Variants in PPP1R21 observed in about 807,000 individuals in gnomAD.
The protein encoded by PPP1R21 is protein phosphatase 1 regulatory subunit 21.
PPP1R21 carries 85 observed loss-of-function variants against 112.8 expected under a neutral mutation model. That is an observed-to-expected ratio of 0.75 (90% CI 0.63 to 0.90). The LOEUF (loss-of-function observed/expected upper bound fraction) is 0.90, where lower values mean the gene tolerates loss of function less well. Among genes scored for constraint, PPP1R21 ranks in the 40% least tolerant of loss-of-function variants. The probability of loss-of-function intolerance (pLI) is 0.00; values close to 1 mark genes in which losing one functional copy is unlikely to be tolerated. For missense variants in PPP1R21, 1,199 were observed against 901.5 expected (o/e 1.33, Z -4.23); for synonymous variants, 381 against 322.3 (o/e 1.18, Z -1.95).
In PPP1R21 at chr2:48,496,665, G is replaced by A. The variant is rs548529533; in HGVS notation, c.1692+894G>A. ...GTATTTTTAGTATAGACAGGGTTTC[G>A]CCACATTGGCCAGGCTGGTCTTGAA... On this transcript the variant is annotated intron_variant, in intron 16 of 21. Coordinates refer to ENST00000294952, the MANE Select transcript of PPP1R21 (RefSeq NM_001135629.3). Among the ~76,000 whole-genome samples the A allele has an allele frequency of 5.9e-5, 9 of 152,218 alleles. No homozygotes were observed. The South Asian group carries it at 1.5e-3, about 25-fold the overall frequency.
intron 14 of PPP1R21, among the ~76,000 whole-genome samples, chr2:48,487,725 C>T (rs771962679): frequency 6.7e-6 from 1 of 149,326 alleles, no homozygotes; most frequent in Non-Finnish European, 1.5e-5. Context: ...TGAGCCACTG[C>T]ACCCTATCCT....
Position 48,482,939 on chromosome 2 carries a change from C to T in PPP1R21, c.1318+2923C>T, listed in dbSNP as rs369801847. Among the ~76,000 whole-genome samples, 4 of 152,178 alleles carry T rather than the reference C, an allele frequency of 2.6e-5. No homozygotes were observed. In the South Asian group the frequency reaches 6.2e-4, roughly 24 times the overall value. On this transcript the variant is annotated intron_variant, in intron 13 of 21. Transcript: ENST00000294952. ...TTCCTGATGCTATCCCTCCTCCCATCCCCCACCCTCCATCAGGCTCCAGTG... is the reference window on the plus strand; with the variant it reads ...TTCCTGATGCTATCCCTCCTCCCATTCCCCACCCTCCATCAGGCTCCAGTG...
intron 12 of PPP1R21, among the ~76,000 whole-genome samples, chr2:48,476,989 T>G (rs1261167287): frequency 6.6e-6 from 1 of 152,150 alleles, no homozygotes; most frequent in Non-Finnish European, 1.5e-5. Flanking sequence ...TTGCTGATGC[T>G]TTTGATGTCA....
chr2:48,461,417 A>G (rs995385557), intron 7 of PPP1R21, among the ~76,000 whole-genome samples, 185 bp downstream of exon 7: 2 of 152,212 alleles, frequency 1.3e-5, no homozygotes, highest in Admixed American at 6.5e-5. Flanking sequence ...AAATTGTCAT[A>G]TAACTACTCC....
chr2:48,481,753 A>G (rs61677854), intron 13 of PPP1R21, among the ~76,000 whole-genome samples: 19,966 of 152,138 alleles, frequency 0.13, 1,941 homozygotes, highest in East Asian at 0.48. Context: ...AAATTTTCTT[A>G]TGCTAATACA....
At position 48,465,896 on chromosome 2, in the gene PPP1R21, A is replaced by G. The variant is rs1370942452; in HGVS notation, c.897+254A>G. Among the ~76,000 whole-genome samples the G allele has an allele frequency of 2.6e-5, 4 of 152,236 alleles. No individual in the cohort carries two copies. In the East Asian group the frequency reaches 5.8e-4, roughly 22 times the overall value. ...TGGAGACTGAGCAATTTACAAAAGA[A>G]AGAGGTTTATTAGACTTACAGAGGT... On this transcript the variant is annotated intron_variant, in intron 9 of 21. Transcript: ENST00000294952.
At chr2:48,492,051 T>C (rs1461391669) in intron 15 of PPP1R21, among the ~76,000 whole-genome samples, 1 of 152,212 alleles carries the variant, frequency 6.6e-6, no homozygotes, top group African/African-American at 2.4e-5. Flanking sequence ...TTTTCACTGT[T>C]ACAGTGGAGT....
intron 11 of PPP1R21, among the ~76,000 whole-genome samples, chr2:48,472,349 AGT>A (rs1475589864): frequency 6.7e-6 from 1 of 150,086 alleles, no homozygotes; most frequent in African/African-American, 2.5e-5. Context: ...AGGTTGGCCA[AGT>A]GTGGTGGCTC....
At position 48,464,532 on chromosome 2, in the gene PPP1R21, C is replaced by T. The variant is rs941957617; in HGVS notation, c.695-405C>T. Among the ~76,000 whole-genome samples, 15 of 152,146 alleles carry T rather than the reference C, an allele frequency of 9.9e-5. 1 individual carries two copies. In the South Asian group the frequency reaches 3.1e-3, roughly 32 times the overall value. Reference sequence around the variant, plus strand: ...AGTGGCAGACAGTGATAGATTTTTCCGGTAATGTAGTGTCAGGAAAACAGT... The same window carrying T: ...AGTGGCAGACAGTGATAGATTTTTCTGGTAATGTAGTGTCAGGAAAACAGT... On this transcript the variant is annotated intron_variant, in intron 7 of 21. Coordinates refer to ENST00000294952, the MANE Select transcript of PPP1R21 (RefSeq NM_001135629.3).
intron 2 of PPP1R21, among the ~76,000 whole-genome samples, chr2:48,453,606 T>C (rs535468778): frequency 2.0e-5 from 3 of 152,184 alleles, no homozygotes; most frequent in Non-Finnish European, 4.4e-5. Flanking sequence ...TAAAAAAGAG[T>C]GAAACTAAAT....
intron 3 of PPP1R21, among the ~76,000 whole-genome samples, chr2:48,456,254 T>G (rs1008161409): frequency 6.9e-6 from 1 of 145,138 alleles, no homozygotes; most frequent in Non-Finnish European, 1.5e-5. Context: ...TTGCTGCTCT[T>G]TTTTTTTTTT....
In PPP1R21 at chr2:48,486,775, G is replaced by T. The variant is rs753613184; in HGVS notation, c.1446+17G>T. 2.5e-6 allele frequency: 4 copies of T among 1,603,596 alleles called. No individual in the cohort carries two copies. Among genetic ancestry groups the T allele is most frequent in the Non-Finnish European group, 3.4e-6 (4 of 1,175,634 alleles). On this transcript the variant is annotated intron_variant, in intron 14 of 21. Coordinates refer to ENST00000294952, the MANE Select transcript of PPP1R21 (RefSeq NM_001135629.3). ...GCAGGAAAGGTAATTCTCTTCTGGC[G>T]TATATTGATGTTAAAACTCTTAAAT... is the stretch of plus-strand genomic sequence containing the variant.
Position 48,465,630 on chromosome 2 carries a change from A to G in PPP1R21, c.885A>G (p.Pro295=), listed in dbSNP as rs746571504. 16 of 1,610,620 alleles carry G rather than the reference A, an allele frequency of 9.9e-6. No individual in the cohort carries two copies. Among genetic ancestry groups the G allele is most frequent in the Non-Finnish European group, 1.4e-5 (16 of 1,179,062 alleles). Residue 295 remains proline (P), a synonymous_variant, in exon 9 of 22, where the codon CCA becomes CCG. Transcript: ENST00000294952. ...ATTCTGCCATTGACACTATATCTCC[A>G]TTGAATCAGAAGGTAAATTTAATTC... The part of the protein sequence containing the change: ...PVDSAIDTIS[P]LNQKFSQYLH...
intron 1 of PPP1R21, 80 bp downstream of exon 1, chr2:48,441,090 GGGGTACTGC>G: frequency 3.1e-6 from 3 of 978,296 alleles, no homozygotes; most frequent in Non-Finnish European, 4.8e-6. Context: ...TCGGGACCTA[GGGGTACTGC>G]GGGAGGGGCA....
chr2:48,460,023 AG>A, intron 5 of PPP1R21, 71 bp from the exon 6 acceptor site: 1 of 1,596,904 alleles, frequency 6.3e-7, no homozygotes, highest in Non-Finnish European at 8.6e-7. Flanking sequence ...TTTTGCCTGC[AG>A]GGTCTTACTA....
At chr2:48,449,890 C>T (rs538750907) in intron 1 of PPP1R21, among the ~76,000 whole-genome samples, 49 of 152,124 alleles carry the variant, frequency 3.2e-4, no homozygotes, top group African/African-American at 1.2e-3. Flanking sequence ...TTTGCTTCAG[C>T]TACAATGAGC....
intron 9 of PPP1R21, among the ~76,000 whole-genome samples, chr2:48,467,847 G>T (rs1266280244): frequency 6.6e-6 from 1 of 152,206 alleles, no homozygotes; most frequent in Non-Finnish European, 1.5e-5. Flanking sequence ...GACTCTCACA[G>T]GGTGGAAATT....
intron 17 of PPP1R21, among the ~76,000 whole-genome samples, chr2:48,504,523 C>T (rs143598018): frequency 2.0e-5 from 3 of 152,106 alleles, no homozygotes; most frequent in East Asian, 3.9e-4. Flanking sequence ...CACCTGTAAT[C>T]CCCACTACTC....
At chr2:48,486,094 G>T (rs79838914) in intron 13 of PPP1R21, among the ~76,000 whole-genome samples, 2 of 151,606 alleles carry the variant, frequency 1.3e-5, no homozygotes, top group African/African-American at 4.8e-5. Context: ...GGAGACAGTT[G>T]CATAGGAAGT....
Sources: gnomAD v4.1 joint callset for allele counts (sites outside exome capture counted in the v4.1 genomes callset) on GRCh38, gnomAD v4.1.1 for gene constraint, MANE v1.5 for transcripts, NCBI Gene and HGNC (gene_info 2026-07-23, HGNC 2026-07-21) for gene names.